SCFD2: variants seen among roughly 807,000 people sequenced by gnomAD.
SCFD2 encodes the protein sec1 family domain containing 2, also known as sec1 family domain-containing protein 2.
SCFD2 carries 54 observed loss-of-function variants against 58.9 expected under a neutral mutation model. The ratio of observed to expected loss-of-function variants is 0.92; its 90% CI spans 0.74 to 1.15. The LOEUF (loss-of-function observed/expected upper bound fraction) is 1.15. SCFD2 is among the 50% of genes most tolerant of loss of function. SCFD2 has a pLI of 0.00. For missense variants in SCFD2, 805 were observed against 836.6 expected, an observed-to-expected ratio of 0.96 and a Z score of 0.47; for synonymous variants, 321 against 335.9, an observed-to-expected ratio of 0.96 and a Z score of 0.49.
intron 5 of SCFD2, among the ~76,000 whole-genome samples, chr4:53,063,231 T>C (rs1723564666): frequency 6.6e-6 from 1 of 152,168 alleles, no homozygotes; most frequent in South Asian, 2.1e-4. Context: ...TCAAAATTTA[T>C]TTACAAACAG....
chr4:53,010,060 A>G (rs1722062284), intron 5 of SCFD2, among the ~76,000 whole-genome samples: 1 of 152,156 alleles, frequency 6.6e-6, no homozygotes, highest in Non-Finnish European at 1.5e-5. Flanking sequence ...ATTAGAGACC[A>G]TCTTATTCTA....
intron 5 of SCFD2, among the ~76,000 whole-genome samples, chr4:53,067,100 A>T (rs920726382): frequency 7.9e-5 from 12 of 152,008 alleles, no homozygotes; most frequent in African/African-American, 2.9e-4. Context: ...CTAGCATTCT[A>T]CTTCAGGTCA....
At chr4:52,956,510 CTT>C (rs1218762102) in intron 5 of SCFD2, 1 of 308,980 alleles carries the variant, frequency 3.2e-6, no homozygotes, top group African/African-American at 2.2e-5. Context: ...CTTTCTGTCT[CTT>C]GTCTCTTCTC....
At chr4:52,924,977 T>C (rs1719829294) in intron 5 of SCFD2, among the ~76,000 whole-genome samples, 1 of 152,180 alleles carries the variant, frequency 6.6e-6, no homozygotes, top group African/African-American at 2.4e-5. Flanking sequence ...TCCGTGATAA[T>C]AGTAGTATAT....
chr4:52,959,588 C>T (rs141224167), intron 5 of SCFD2, among the ~76,000 whole-genome samples: 2 of 152,192 alleles, frequency 1.3e-5, no homozygotes, highest in African/African-American at 4.8e-5. Flanking sequence ...CCAAAGTTAA[C>T]CCCCAAATAT....
intron 2 of SCFD2, among the ~76,000 whole-genome samples, chr4:53,314,520 C>T (rs1732797894): frequency 6.6e-6 from 1 of 152,186 alleles, no homozygotes; most frequent in South Asian, 2.1e-4. Flanking sequence ...CAAGTATACA[C>T]ATTTGTAGTA....
intron 5 of SCFD2, among the ~76,000 whole-genome samples, chr4:52,994,825 C>A (rs1721705576): frequency 6.6e-6 from 1 of 152,102 alleles, no homozygotes; most frequent in Non-Finnish European, 1.5e-5. Context: ...TAATATCATA[C>A]ACTATATTTA....
chr4:53,249,407 C>T (rs998506165), intron 4 of SCFD2, among the ~76,000 whole-genome samples: 20 of 152,284 alleles, frequency 1.3e-4, no homozygotes, highest in African/African-American at 4.1e-4. Flanking sequence ...GGAGAACTTC[C>T]CCAATCTAGC....
At chr4:53,081,859 C>T (rs1577711893) in intron 5 of SCFD2, among the ~76,000 whole-genome samples, 1 of 152,250 alleles carries the variant, frequency 6.6e-6, no homozygotes, top group East Asian at 1.9e-4. Flanking sequence ...CCACTCCAAC[C>T]CTCCTCACTC....
intron 5 of SCFD2, among the ~76,000 whole-genome samples, chr4:52,952,849 A>G (rs1410259062): frequency 6.6e-6 from 1 of 152,250 alleles, no homozygotes; most frequent in Non-Finnish European, 1.5e-5. Context: ...CCAGATAAAA[A>G]TAGAAATCTT....
intron 4 of SCFD2, among the ~76,000 whole-genome samples, chr4:53,203,346 G>T (rs1273842186): frequency 3.3e-5 from 5 of 151,846 alleles, no homozygotes; most frequent in Non-Finnish European, 7.4e-5. Flanking sequence ...AAAAAGAGAA[G>T]GCATAATCAG....
chr4:53,127,738 T>A (rs974935843), intron 5 of SCFD2, among the ~76,000 whole-genome samples: 3 of 152,114 alleles, frequency 2.0e-5, no homozygotes, highest in African/African-American at 7.2e-5. Flanking sequence ...AAGGCCTGTG[T>A]CTGGGACAGA....
rs1729649986 is a variant in SCFD2 at position 53,237,153 on chromosome 4, G to C, written c.1311+36673C>G. Among the ~76,000 whole-genome samples, 6 of 149,698 alleles carry C rather than the reference G, an allele frequency of 4.0e-5. No homozygotes were observed. In the South Asian group the frequency reaches 1.3e-3, roughly 32 times the overall value. ...ACATGTTTCAGAGAGCACAGGGTTG[G>C]GGGTAAGGTCATAGATCAACAGGAT... On this transcript the variant is annotated intron_variant, in intron 4 of 8. Coordinates refer to ENST00000401642, the MANE Select transcript of SCFD2 (RefSeq NM_152540.4).
chr4:53,355,578 A>C (rs1734377619), intron 1 of SCFD2, among the ~76,000 whole-genome samples: 1 of 152,194 alleles, frequency 6.6e-6, no homozygotes, highest in African/African-American at 2.4e-5. Flanking sequence ...CTTTACATAA[A>C]TGATCCTATA....
At chr4:53,260,763 C>T (rs1214677266) in intron 4 of SCFD2, among the ~76,000 whole-genome samples, 2 of 152,108 alleles carry the variant, frequency 1.3e-5, no homozygotes, top group African/African-American at 2.4e-5. Flanking sequence ...AGGGGGGATT[C>T]CCTCTTTCCC....
rs534457597 is a variant in SCFD2, at chr4:53,191,047, A to G, written c.1312-45465T>C. Among the ~76,000 whole-genome samples, 7 of 152,326 alleles carry G rather than the reference A, an allele frequency of 4.6e-5. No homozygotes were observed. The South Asian group carries it at 1.4e-3, about 32-fold the overall frequency. ...TACTTTGCTTTAGATCTAAAACAGT[A>G]TTAAATATAAAATTTGAGGGCAGAG... is the stretch of plus-strand genomic sequence containing the variant. On this transcript the variant is annotated intron_variant, in intron 4 of 8. Transcript: ENST00000401642.
At chr4:53,343,428 C>T (rs974998211) in intron 2 of SCFD2, among the ~76,000 whole-genome samples, 3 of 152,070 alleles carry the variant, frequency 2.0e-5, no homozygotes, top group Non-Finnish European at 4.4e-5. Flanking sequence ...CTGAATAGAC[C>T]AATAACAGGT....
intron 4 of SCFD2, among the ~76,000 whole-genome samples, chr4:53,162,738 T>C (rs1357150894): frequency 2.0e-5 from 3 of 151,738 alleles, no homozygotes; most frequent in Non-Finnish European, 4.4e-5. Flanking sequence ...TTAGGAGATA[T>C]ACCTAATGCT....
intron 5 of SCFD2, among the ~76,000 whole-genome samples, chr4:52,931,402 T>C (rs1375414927): frequency 6.6e-6 from 1 of 152,178 alleles, no homozygotes; most frequent in Non-Finnish European, 1.5e-5. Context: ...ACTGCTTTCG[T>C]CTTCTGAACT....
Sources: allele counts gnomAD v4.1 joint callset (sites outside exome capture counted in the v4.1 genomes callset), GRCh38; gene constraint gnomAD v4.1.1; transcripts MANE v1.5; gene names NCBI Gene and HGNC (gene_info 2026-07-23, HGNC 2026-07-21).